KIF1B: variants seen among roughly 807,000 people sequenced by gnomAD.
KIF1B encodes the protein kinesin-like protein KIF1B.
In KIF1B, 76 loss-of-function variants were observed where a neutral mutation model predicts 241.9. The ratio of observed to expected loss-of-function variants is 0.31; its 90% confidence interval spans 0.26 to 0.38. KIF1B has a LOEUF of 0.38. KIF1B is among the 10% of genes least tolerant of loss of function. The pLI is 1.00. For synonymous variants in KIF1B, 750 were observed against 796.7 expected (o/e 0.94, Z 0.99); for missense variants, 1,622 against 2,271.4 (o/e 0.71, Z 5.81).
At chr1:10,348,602 G>A in intron 36 of KIF1B, 47 bp from the exon 37 acceptor site, 1 of 1,408,370 alleles carries the variant, frequency 7.1e-7, no homozygotes, top group Non-Finnish European at 1.0e-6. Flanking sequence ...GACGAGAGGA[G>A]ATAATAGATT....
At chr1:10,240,808 C>T (rs1647126421) in intron 2 of KIF1B, among the ~76,000 whole-genome samples, 1 of 148,628 alleles carries the variant, frequency 6.7e-6, no homozygotes, top group Admixed American at 6.8e-5. Flanking sequence ...AAGTAATCCT[C>T]CTACCTTGGC....
intron 5 of KIF1B, among the ~76,000 whole-genome samples, chr1:10,264,572 A>G (rs575091004): frequency 1.3e-5 from 2 of 152,348 alleles, no homozygotes; most frequent in Non-Finnish European, 2.9e-5. Flanking sequence ...TTGAAGAATC[A>G]TCTCACTTTC....
At chr1:10,274,525 GATTATTTTTGGCATA>G (rs1029121841) in intron 10 of KIF1B, among the ~76,000 whole-genome samples, 16 of 151,744 alleles carry the variant, frequency 1.1e-4, no homozygotes, top group Non-Finnish European at 1.5e-4. Flanking sequence ...TTAATAATTG[GATTATTTTTGGCATA>G]ATTTCCTTTC....
intron 5 of KIF1B, among the ~76,000 whole-genome samples, chr1:10,263,031 G>A (rs1004680153): frequency 3.3e-5 from 5 of 152,070 alleles, no homozygotes; most frequent in Non-Finnish European, 7.4e-5. Context: ...GCTCATACCT[G>A]TAATCCCAGC....
In KIF1B at chr1:10,374,460, A is replaced by G; in HGVS notation, c.5091A>G (p.Arg1697=). The change falls in exon 46 of 49, where the codon AGA becomes AGG. Residue 1697 remains arginine (R), a synonymous_variant. Coordinates refer to ENST00000676179, the MANE Select transcript of KIF1B (RefSeq NM_001365951.3). This position sits in a 1 kb window ranked among gnomAD's most constrained non-coding sequence, Gnocchi z 4.3. ...LNLVPDIEEI[R]PSSVVSKKGY... ...TTGTTCCAGATATTGAAGAAATTAGACCAAGGTGAGTACTATATTGAGCAG... is the reference window on the plus strand; with the variant it reads ...TTGTTCCAGATATTGAAGAAATTAGGCCAAGGTGAGTACTATATTGAGCAG... 6.2e-7 allele frequency: 1 copy of G among 1,614,220 alleles called. No homozygotes were observed.
At chr1:10,238,802 C>G (rs896728078) in intron 2 of KIF1B, among the ~76,000 whole-genome samples, 1 of 152,098 alleles carries the variant, frequency 6.6e-6, no homozygotes. Flanking sequence ...ATTACTATAA[C>G]CACATGAAAA....
intron 25 of KIF1B, 42 bp downstream of exon 25, chr1:10,324,104 A>G (rs1651628726): frequency 3.1e-6 from 5 of 1,591,900 alleles, no homozygotes; most frequent in Non-Finnish European, 3.4e-6. Context: ...TATTTAGGAA[A>G]TAACAATGAC....
At position 10,337,629 on chromosome 1, in the gene KIF1B, A is replaced by C. The variant is rs1373849383; in HGVS notation, c.3422+96A>C. 7.5e-6 allele frequency: 10 copies of C among 1,325,744 alleles called. No homozygotes were observed. The Admixed American group carries it at 1.7e-4, about 23-fold the overall frequency. The allele number at this position is 1,325,744 out of a possible 1,614,324, so 82.1% of individuals were successfully genotyped here. A position where few individuals can be genotyped will look rare whatever the true frequency, so the allele number is the denominator to read the frequency against. On this transcript the variant is annotated intron_variant, in intron 31 of 48. Coordinates refer to ENST00000676179, the MANE Select transcript of KIF1B (RefSeq NM_001365951.3). The surrounding 1 kb of genome is among the most constrained non-coding windows in gnomAD (Gnocchi z 4.0). Reference sequence around the variant, plus strand: ...TGCTTTACATGTGTGAGGGATTAACACTCTTGAGACAAAGACTGATCAGTC... The same window carrying C: ...TGCTTTACATGTGTGAGGGATTAACCCTCTTGAGACAAAGACTGATCAGTC...
At position 10,243,181 on chromosome 1, in the gene KIF1B, C is replaced by G. The variant is rs540243078; in HGVS notation, c.106+10747C>G. Among the ~76,000 whole-genome samples, 5 of 152,156 alleles carry G rather than the reference C, an allele frequency of 3.3e-5. No individual in the cohort carries two copies. In the South Asian group the frequency reaches 1.0e-3, roughly 32 times the overall value. On this transcript the variant is annotated intron_variant, in intron 2 of 48. Coordinates refer to ENST00000676179, the MANE Select transcript of KIF1B (RefSeq NM_001365951.3). ...CCTGTAATCCCTGCACTTTGGGAGG[C>G]TGAGGCGGGTGAATCACTTGAGCTC...
intron 5 of KIF1B, among the ~76,000 whole-genome samples, chr1:10,264,953 G>A (rs529129286): frequency 2.6e-5 from 4 of 152,080 alleles, no homozygotes; most frequent in East Asian, 3.9e-4. Context: ...GAGCCACTGC[G>A]CCCGGCCTTT....
chr1:10,307,306 T>G (rs766660345), intron 22 of KIF1B: 21 of 1,013,258 alleles, frequency 2.1e-5, no homozygotes, highest in Non-Finnish European at 2.5e-5. Context: ...TTACTTTGTT[T>G]TTTGTTTTTG....
At chr1:10,323,124 T>C (rs1180388678) in intron 24 of KIF1B, among the ~76,000 whole-genome samples, 1 of 152,092 alleles carries the variant, frequency 6.6e-6, no homozygotes, top group Non-Finnish European at 1.5e-5. Flanking sequence ...GGCCTTCTAG[T>C]GTGCTGGGAT....
At chr1:10,227,255 G>A (rs192340397) in intron 1 of KIF1B, among the ~76,000 whole-genome samples, 1 of 151,740 alleles carries the variant, frequency 6.6e-6, no homozygotes, top group African/African-American at 2.4e-5. Context: ...GGATGGTCTT[G>A]ATTTCTTGAC....
At chr1:10,347,869 A>G (rs761308163) in intron 36 of KIF1B, 42 bp downstream of exon 36, 1 of 1,464,324 alleles carries the variant, frequency 6.8e-7, no homozygotes, top group African/African-American at 1.4e-5. Flanking sequence ...GGGAACACTG[A>G]AAAGAATTTA....
chr1:10,355,618 T>C (rs1449505418), intron 38 of KIF1B, among the ~76,000 whole-genome samples: 3 of 152,210 alleles, frequency 2.0e-5, no homozygotes, highest in Non-Finnish European at 2.9e-5. Flanking sequence ...ACTTGTCAGT[T>C]TTATTCTTAG....
intron 2 of KIF1B, among the ~76,000 whole-genome samples, chr1:10,249,667 C>T (rs937478495): frequency 6.6e-6 from 1 of 152,028 alleles, no homozygotes; most frequent in Non-Finnish European, 1.5e-5. Flanking sequence ...TTTGGGAGGC[C>T]AAAACAGGAG....
chr1:10,240,297 C>T (rs1647118106), intron 2 of KIF1B, among the ~76,000 whole-genome samples: 1 of 151,962 alleles, frequency 6.6e-6, no homozygotes, highest in African/African-American at 2.4e-5. Flanking sequence ...CAACCTCTGC[C>T]TCCCAGGTTC....
intron 1 of KIF1B, among the ~76,000 whole-genome samples, chr1:10,212,292 T>G (rs986789178): frequency 2.0e-5 from 3 of 152,224 alleles, no homozygotes; most frequent in Non-Finnish European, 4.4e-5. Flanking sequence ...CTCTAAGAAG[T>G]GAGGTGGTGC....
At position 10,378,193 on chromosome 1, in the gene KIF1B, T is replaced by C. The variant is rs1294127798; in HGVS notation, c.*1606T>C. On this transcript the variant is annotated 3_prime_UTR_variant, in exon 49 of 49. Coordinates refer to ENST00000676179, the MANE Select transcript of KIF1B (RefSeq NM_001365951.3). Reference sequence around the variant, plus strand: ...GACCACTACTCCAAACAAAACACAATATGCCTAGGGGCACGGATGAACGTC... The same window carrying C: ...GACCACTACTCCAAACAAAACACAACATGCCTAGGGGCACGGATGAACGTC... 4.7e-6 allele frequency: 3 copies of C among 632,454 alleles called. No homozygotes were observed. In the African/African-American group the frequency reaches 5.5e-5, roughly 12 times the overall value. The allele number at this position is 632,454 out of a possible 1,614,324, so 39.2% of individuals were successfully genotyped here.
Sources: gnomAD v4.1 joint callset for allele counts (sites outside exome capture counted in the v4.1 genomes callset) on GRCh38, gnomAD v4.1.1 for gene constraint, Gnocchi (gnomAD v3.1) non-coding constraint, MANE v1.5 for transcripts, NCBI Gene and HGNC (gene_info 2026-07-23, HGNC 2026-07-21) for gene names.